The following SP110 variants were observed in gnomAD, a reference collection of about 807,000 sequenced individuals.
The protein encoded by SP110 is SP110 nuclear body protein, also known as interferon-induced protein 41, 30kD.
A neutral mutation model predicts 92.7 loss-of-function variants in SP110; 62 were observed. The observed-to-expected ratio is 0.67, with a 90% confidence interval of 0.55 to 0.83. SP110 has a LOEUF of 0.83. SP110 is among the 40% of genes least tolerant of loss of function. The pLI is 0.00. For synonymous variants in SP110, 273 were observed against 305.3 expected, an observed-to-expected ratio of 0.89 and a Z score of 1.10; for missense variants, 793 against 863.9, an observed-to-expected ratio of 0.92 and a Z score of 1.03.
At chr2:230,189,028 A>G (rs981757698) in intron 10 of SP110, among the ~76,000 whole-genome samples, 2 of 151,758 alleles carry the variant, frequency 1.3e-5, no homozygotes, top group Non-Finnish European at 2.9e-5. Context: ...GATCTTTTGT[A>G]TTTCTGTGGT....
At chr2:230,216,242 T>C (rs2045161550) in intron 2 of SP110, among the ~76,000 whole-genome samples, 2 of 152,202 alleles carry the variant, frequency 1.3e-5, no homozygotes, top group African/African-American at 4.8e-5. Flanking sequence ...TTGGAAAAAG[T>C]GTCTTTGCAG....
Position 230,212,998 on chromosome 2 carries a change from C to T in SP110, c.346G>A (p.Asp116Asn). 14 of 1,614,000 alleles carry T rather than the reference C, an allele frequency of 8.7e-6. No homozygotes were observed. The highest frequency in any genetic ancestry group is 1.2e-5 in the Non-Finnish European group (14 of 1,179,974). Reference sequence around the variant, plus strand: ...GGGGCTTCAAGTAGGATTGGTGTGTCTCTGCTCTGCCATTCATAGGAAGCA... The same window carrying T: ...GGGGCTTCAAGTAGGATTGGTGTGTTTCTGCTCTGCCATTCATAGGAAGCA... ...VGASYEWQSR[D>N]TPILLEAPTG... is the part of the protein sequence containing the mutation. The change falls in exon 4 of 19, where the codon GAC (aspartate) becomes AAC (asparagine). Residue 116 changes from aspartate to asparagine, a missense_variant. Physicochemically the swap from Asp to Asn is conservative, Grantham distance 23 (BLOSUM62 1). Transcript: ENST00000258381.
At chr2:230,215,600 A>C (rs1453461951) in intron 2 of SP110, among the ~76,000 whole-genome samples, 2 of 152,220 alleles carry the variant, frequency 1.3e-5, no homozygotes, top group Non-Finnish European at 1.5e-5. Context: ...GCCACAGAGA[A>C]GTCACCCTGA....
At position 230,165,922 on chromosome 2, in the gene SP110, CT is replaced by C. The variant is rs1441501608; in HGVS notation, c.*3201del. ...TTTTTTTTTTTTTTTGAAACAGAGT[CT>C]TACTCTGTTGCCCAGGCTGGAGTGC... On this transcript the variant is annotated 3_prime_UTR_variant, in exon 19 of 19. Coordinates refer to ENST00000258381, the MANE Select transcript of SP110 (RefSeq NM_080424.4). Among the ~76,000 whole-genome samples the C allele has an allele frequency of 7.1e-6, 1 of 141,186 alleles. No individual in the cohort carries two copies. Among genetic ancestry groups the C allele is most frequent in the Non-Finnish European group, 1.5e-5 (1 of 65,882 alleles). The allele number at this position is 141,186 out of a possible 152,430, so 92.6% of individuals were successfully genotyped here. A position where few individuals can be genotyped will look rare whatever the true frequency, so the allele number is the denominator to read the frequency against.
intron 10 of SP110, among the ~76,000 whole-genome samples, chr2:230,194,799 G>A (rs1407928205): frequency 1.3e-5 from 2 of 152,206 alleles, no homozygotes; most frequent in Non-Finnish European, 2.9e-5. Flanking sequence ...ATTGTCTGAT[G>A]CCTCATGTCC....
intron 14 of SP110, among the ~76,000 whole-genome samples, chr2:230,174,600 A>T (rs2041767736): frequency 6.6e-6 from 1 of 152,212 alleles, no homozygotes; most frequent in Non-Finnish European, 1.5e-5. Context: ...CTATATGCTG[A>T]TAGAGTGGCA....
upstream of SP110, among the ~76,000 whole-genome samples, chr2:230,223,093 G>A (rs760521865): frequency 7.4e-5 from 11 of 148,826 alleles, no homozygotes; most frequent in Non-Finnish European, 1.5e-4. Context: ...CTAGAGTGCT[G>A]TGGCGCAATC....
Position 230,212,806 on chromosome 2 carries a change from C to A in SP110, c.538G>T (p.Val180Phe). ...TGGATGAGTGCAGGGAGAGGCAGGA[C>A]AGGGTCAGATGGGCTGGGCGACTCA... ...LSESPSPSDPVLPLPALIQEG... is the reference protein window; with the variant it reads ...LSESPSPSDPFLPLPALIQEG... Residue 180 changes from valine (V) to phenylalanine (F), a missense_variant, in exon 4 of 19, where the codon GTC (valine) becomes TTC (phenylalanine). Coordinates refer to ENST00000258381, the MANE Select transcript of SP110 (RefSeq NM_080424.4). The A allele has an allele frequency of 6.2e-7, 1 of 1,614,130 alleles. No individual in the cohort carries two copies. Among genetic ancestry groups the A allele is most frequent in the Non-Finnish European group, 8.5e-7 (1 of 1,180,022 alleles).
intron 10 of SP110, among the ~76,000 whole-genome samples, chr2:230,187,467 C>T (rs1427731194): frequency 2.0e-5 from 3 of 152,034 alleles, no homozygotes; most frequent in Non-Finnish European, 4.4e-5. Context: ...TGTTTATTTC[C>T]TTTGCTACGA....
Position 230,212,744 on chromosome 2 carries a change from TG to T in SP110, c.583+16del, listed in dbSNP as rs752036353. On this transcript the variant is annotated intron_variant, in intron 4 of 18. Transcript: ENST00000258381. ...AGGCTGAGGATATACAGGTGTTGGATGGGATCTGTTTCTCACCTGAAGTGCT... is the reference window on the plus strand; with the variant it reads ...AGGCTGAGGATATACAGGTGTTGGATGGATCTGTTTCTCACCTGAAGTGCT... The T allele has an allele frequency of 6.2e-7, 1 of 1,613,718 alleles. No individual in the cohort carries two copies. The highest frequency in any genetic ancestry group is 8.5e-7 in the Non-Finnish European group (1 of 1,179,940).
chr2:230,198,821 C>T (rs2042994631), intron 10 of SP110, among the ~76,000 whole-genome samples: 1 of 152,164 alleles, frequency 6.6e-6, no homozygotes, highest in Non-Finnish European at 1.5e-5. Flanking sequence ...TGGTCTTGAA[C>T]TTCCAACCTG....
intron 10 of SP110, among the ~76,000 whole-genome samples, chr2:230,197,278 T>C (rs2148826324): frequency 6.7e-6 from 1 of 150,358 alleles, no homozygotes; most frequent in African/African-American, 2.4e-5. Flanking sequence ...TTGATTTGCA[T>C]TTCTCTGATG....
intron 11 of SP110, among the ~76,000 whole-genome samples, chr2:230,184,694 G>A (rs1193155514): frequency 1.0e-4 from 7 of 67,118 alleles, no homozygotes; most frequent in African/African-American, 3.8e-4. Flanking sequence ...TTTCCCTAAC[G>A]GATTTAACAA....
At chr2:230,198,712 A>G (rs772992956) in intron 10 of SP110, among the ~76,000 whole-genome samples, 1 of 152,130 alleles carries the variant, frequency 6.6e-6, no homozygotes, top group Admixed American at 6.5e-5. Context: ...CTCCTGTCTC[A>G]GCCTCCTGAG....
intron 1 of SP110, 150 bp downstream of exon 1, chr2:230,219,724 A>G (rs2045626223): frequency 6.2e-6 from 1 of 162,132 alleles, no homozygotes; most frequent in African/African-American, 2.4e-5. Context: ...CCCTTTTAAC[A>G]GTCTCCTAAT....
intron 2 of SP110, among the ~76,000 whole-genome samples, chr2:230,215,992 T>C (rs2045125376): frequency 6.6e-6 from 1 of 152,122 alleles, no homozygotes; most frequent in Non-Finnish European, 1.5e-5. Flanking sequence ...TAAGGGAAGA[T>C]TATTGGCACT....
intron 12 of SP110, among the ~76,000 whole-genome samples, chr2:230,179,496 A>AGGGGGGGGG (rs2042029561): frequency 7.6e-6 from 1 of 131,136 alleles, no homozygotes; most frequent in African/African-American, 2.9e-5. Flanking sequence ...GGCAGGGAGG[A>AGGGGGGGGG]GTGGGGGTGG....
chr2:230,178,384 T>C, intron 12 of SP110, 129 bp from the exon 13 acceptor site: 3 of 675,344 alleles, frequency 4.4e-6, no homozygotes, highest in Middle Eastern at 6.9e-4. Flanking sequence ...TTGCAGGAAC[T>C]CTTTCATCTC....
At position 230,211,385 on chromosome 2, in the gene SP110, C is replaced by T. The variant is rs1047478846; in HGVS notation, c.751+85G>A. ...ATTGCTGAGAGGCAGGAGGAGAGCCCCCTCTCTAGAAGATCCGAATGGCTT... is the reference window on the plus strand; with the variant it reads ...ATTGCTGAGAGGCAGGAGGAGAGCCTCCTCTCTAGAAGATCCGAATGGCTT... On this transcript the variant is annotated intron_variant, in intron 6 of 18. Transcript: ENST00000258381. The surrounding 1 kb of genome is among the most constrained non-coding windows in gnomAD (Gnocchi z 4.2). 14 of 872,328 alleles carry T rather than the reference C, an allele frequency of 1.6e-5. No individual in the cohort carries two copies. The highest frequency in any genetic ancestry group is 2.8e-5 in the Non-Finnish European group (14 of 507,200). The allele number at this position is 872,328 out of a possible 1,614,324, so 54.0% of individuals were successfully genotyped here. A position where few individuals can be genotyped will look rare whatever the true frequency, so the allele number is the denominator to read the frequency against.
Sources: gnomAD v4.1 joint callset for allele counts (sites outside exome capture counted in the v4.1 genomes callset) on GRCh38, gnomAD v4.1.1 for gene constraint, Gnocchi (gnomAD v3.1) non-coding constraint, MANE v1.5 for transcripts, NCBI Gene and HGNC (gene_info 2026-07-23, HGNC 2026-07-21) for gene names.